The following CDH13 variants were observed in gnomAD, a reference collection of about 807,000 sequenced individuals.
CDH13 encodes the protein cadherin-13.
Under a neutral mutation model 63.8 loss-of-function variants are expected in CDH13, and 24 were observed. The observed-to-expected ratio is 0.38, with a 90% CI of 0.27 to 0.53. The LOEUF is 0.53. Ranked by LOEUF, CDH13 falls within the 20% of genes least tolerant of loss-of-function variation. The probability of loss-of-function intolerance (pLI) is 0.85; values close to 1 mark genes in which losing one functional copy is unlikely to be tolerated. For missense variants in CDH13, 1,049 were observed against 903.1 expected (o/e 1.16, Z -2.07); for synonymous variants, 503 against 355.3 (o/e 1.42, Z -4.67).
intron 1 of CDH13, among the ~76,000 whole-genome samples, chr16:82,833,458 C>G (rs747376834): frequency 5.8e-4 from 88 of 152,196 alleles, no homozygotes; most frequent in Non-Finnish European, 9.4e-4. Context: ...AACCCAGGAA[C>G]CCAACAGCCT....
chr16:83,676,513 C>T (rs1303082731), intron 9 of CDH13, among the ~76,000 whole-genome samples: 1 of 152,192 alleles, frequency 6.6e-6, no homozygotes, highest in African/African-American at 2.4e-5. Context: ...ACCGAAGTTG[C>T]ACATTCTGGC....
At chr16:82,806,147 T>C (rs2037127244) in intron 1 of CDH13, among the ~76,000 whole-genome samples, 1 of 152,172 alleles carries the variant, frequency 6.6e-6, no homozygotes, top group Non-Finnish European at 1.5e-5. Context: ...TTTAGTCTTT[T>C]CCCAAAGCAT....
rs368917186 is a variant in CDH13 at position 83,298,957 on chromosome 16, A to G, written c.637-45905A>G. On this transcript the variant is annotated intron_variant, in intron 5 of 13. Transcript: ENST00000567109. ...TATAATTTTTACTGTTTCTGAGTGT[A>G]AAAGTAATGCATGCTTGTTTTAAAA... 2.0e-5 allele frequency among the ~76,000 whole-genome samples: 3 copies of G among 152,206 alleles called. No homozygotes were observed. In the East Asian group the frequency reaches 5.8e-4, roughly 29 times the overall value.
chr16:83,622,967 G>C (rs983862056), intron 8 of CDH13, among the ~76,000 whole-genome samples: 1 of 152,186 alleles, frequency 6.6e-6, no homozygotes, highest in Non-Finnish European at 1.5e-5. Flanking sequence ...AATAGTACAA[G>C]GGTGAATCTT....
At chr16:83,413,872 A>G (rs1385414432) in intron 6 of CDH13, among the ~76,000 whole-genome samples, 2 of 152,080 alleles carry the variant, frequency 1.3e-5, no homozygotes, top group African/African-American at 4.8e-5. Flanking sequence ...CACACCTGTA[A>G]TCTCAGCTAC....
chr16:83,544,565 T>G (rs1026803122), intron 7 of CDH13, among the ~76,000 whole-genome samples: 1 of 152,176 alleles, frequency 6.6e-6, no homozygotes, highest in Non-Finnish European at 1.5e-5. Flanking sequence ...ATAGGCATTA[T>G]GTCAGATGAT....
intron 5 of CDH13, among the ~76,000 whole-genome samples, chr16:83,290,881 G>GT: frequency 6.6e-6 from 1 of 152,110 alleles, no homozygotes; most frequent in South Asian, 2.1e-4. Context: ...TGCCTAGAAT[G>GT]TTTTTTTCCC....
At chr16:83,774,247 AATG>A (rs1322071280) in intron 11 of CDH13, among the ~76,000 whole-genome samples, 1 of 152,224 alleles carries the variant, frequency 6.6e-6, no homozygotes, top group Non-Finnish European at 1.5e-5. Flanking sequence ...GCTAGCTGGA[AATG>A]ATGATTCCTT....
chr16:82,862,651 C>A (rs1221429457), intron 2 of CDH13, among the ~76,000 whole-genome samples: 2 of 152,186 alleles, frequency 1.3e-5, no homozygotes, highest in Admixed American at 1.3e-4. Flanking sequence ...ACAGAAATCA[C>A]AGCATCTGAA....
At chr16:83,764,954 C>T (rs1940405127) in intron 11 of CDH13, among the ~76,000 whole-genome samples, 1 of 152,236 alleles carries the variant, frequency 6.6e-6, no homozygotes, top group African/African-American at 2.4e-5. Context: ...AATAGCCACA[C>T]CACTTCGTCC....
At chr16:83,033,060 C>A (rs1050681262) in intron 3 of CDH13, among the ~76,000 whole-genome samples, 10 of 151,792 alleles carry the variant, frequency 6.6e-5, no homozygotes, top group African/African-American at 2.4e-4. Flanking sequence ...ATGTGTATAC[C>A]ATATACAGGC....
At chr16:82,856,580 T>C in intron 1 of CDH13, among the ~76,000 whole-genome samples, 1 of 147,392 alleles carries the variant, frequency 6.8e-6, no homozygotes, top group East Asian at 2.0e-4. Flanking sequence ...CGAGTGCCTG[T>C]AGTCTCAGCT....
At chr16:83,184,687 A>G (rs896824739) in intron 4 of CDH13, among the ~76,000 whole-genome samples, 12 of 152,142 alleles carry the variant, frequency 7.9e-5, no homozygotes, top group African/African-American at 2.9e-4. Flanking sequence ...CCCAGGAGGC[A>G]GACGTTGCAG....
At chr16:83,620,050 C>G (rs368650383) in intron 8 of CDH13, among the ~76,000 whole-genome samples, 1 of 151,526 alleles carries the variant, frequency 6.6e-6, no homozygotes, top group East Asian at 1.9e-4. Context: ...GACGAGGAGG[C>G]TGGATTTATT....
At chr16:82,939,594 T>C (rs570122663) in intron 2 of CDH13, among the ~76,000 whole-genome samples, 176 of 152,268 alleles carry the variant, frequency 1.2e-3, no homozygotes, top group South Asian at 2.3e-3. Flanking sequence ...ATGGGTTAGA[T>C]ATTCTAACTG....
intron 5 of CDH13, among the ~76,000 whole-genome samples, chr16:83,317,294 G>A (rs950821930): frequency 5.3e-5 from 8 of 152,224 alleles, no homozygotes; most frequent in African/African-American, 1.7e-4. Flanking sequence ...AGCAAGTTCT[G>A]TTGAAAGCCT....
chr16:82,963,559 G>T (rs1907354362), intron 2 of CDH13, among the ~76,000 whole-genome samples: 1 of 151,994 alleles, frequency 6.6e-6, no homozygotes. Context: ...CCCATAGTCT[G>T]TCTTCCCCTT....
At chr16:83,546,874 C>G (rs1245207356) in intron 7 of CDH13, among the ~76,000 whole-genome samples, 1 of 152,224 alleles carries the variant, frequency 6.6e-6, no homozygotes, top group African/African-American at 2.4e-5. Flanking sequence ...GTGCCAGTCT[C>G]TTTGCATCTG....
intron 12 of CDH13, among the ~76,000 whole-genome samples, chr16:83,782,806 G>C (rs1915619868): frequency 6.6e-6 from 1 of 151,668 alleles, no homozygotes; most frequent in Non-Finnish European, 1.5e-5. Flanking sequence ...TAACACATTA[G>C]GGTCCTGCCC....
Sources: allele counts gnomAD v4.1 joint callset (sites outside exome capture counted in the v4.1 genomes callset), GRCh38; gene constraint gnomAD v4.1.1; transcripts MANE v1.5; gene names NCBI Gene and HGNC (gene_info 2026-07-23, HGNC 2026-07-21).